Variants in NEK11 observed in about 807,000 individuals in gnomAD.
NEK11 encodes serine/threonine-protein kinase Nek11.
A neutral mutation model predicts 80.7 loss-of-function variants in NEK11; 72 were observed. The observed-to-expected ratio is 0.89, with a 90% CI of 0.74 to 1.08. NEK11 has a LOEUF of 1.08. Among genes scored for constraint, NEK11 ranks in the 50% least tolerant of loss-of-function variants. The pLI is 0.00. For synonymous variants in NEK11, 251 were observed against 260.7 expected (o/e 0.96, Z 0.36); for missense variants, 764 against 763.6 (o/e 1.00, Z -0.01).
intron 3 of NEK11, among the ~76,000 whole-genome samples, chr3:131,079,327 G>A (rs1354582896): frequency 6.6e-6 from 1 of 152,180 alleles, no homozygotes; most frequent in East Asian, 1.9e-4. Flanking sequence ...AGGAAGGACT[G>A]GAGAATGATG....
At chr3:131,183,378 C>G (rs2093451916) in intron 14 of NEK11, among the ~76,000 whole-genome samples, 2 of 152,160 alleles carry the variant, frequency 1.3e-5, no homozygotes, top group South Asian at 4.1e-4. Context: ...CACCTGTCAA[C>G]CCATCACCTG....
At chr3:131,175,287 C>T (rs932957746) in intron 14 of NEK11, 1 of 239,138 alleles carries the variant, frequency 4.2e-6, no homozygotes, top group Non-Finnish European at 6.8e-6. Context: ...TACAAGAAGA[C>T]CTGTTCACAA....
chr3:131,080,039 T>TGTG (rs2074999826), intron 3 of NEK11, among the ~76,000 whole-genome samples: 88 of 148,954 alleles, frequency 5.9e-4, no homozygotes, highest in Admixed American at 1.5e-3. Flanking sequence ...GTGTGTGTGT[T>TGTG]TGTGTGTGTG....
intron 7 of NEK11, among the ~76,000 whole-genome samples, chr3:131,146,630 T>C (rs1354953192): frequency 6.6e-6 from 1 of 152,200 alleles, no homozygotes; most frequent in African/African-American, 2.4e-5. Context: ...TTGATGATTA[T>C]ATATTTTTAG....
chr3:131,261,945 C>G (rs1266063065), intron 16 of NEK11, among the ~76,000 whole-genome samples: 1 of 151,552 alleles, frequency 6.6e-6, no homozygotes, highest in Admixed American at 6.6e-5. Context: ...TTACAAAAAT[C>G]AGAGTGGAAA....
At chr3:131,115,908 TTCTTTCTTTCTTTC>T (rs2080969081) in intron 5 of NEK11, among the ~76,000 whole-genome samples, 2 of 46,848 alleles carry the variant, frequency 4.3e-5, no homozygotes, top group Non-Finnish European at 8.7e-5. Flanking sequence ...AGTGTTTTCT[TTCTTTCTTTCTTTC>T]TTTCTTTCTT....
chr3:131,075,287 C>T (rs1378434222), intron 3 of NEK11, among the ~76,000 whole-genome samples: 1 of 152,122 alleles, frequency 6.6e-6, no homozygotes. Context: ...ATAATTTTGT[C>T]CTTTAATGTG....
Position 131,061,998 on chromosome 3 carries a change from C to T in NEK11, c.171-18425C>T, listed in dbSNP as rs370091038. Among the ~76,000 whole-genome samples the T allele has an allele frequency of 4.6e-5, 7 of 152,246 alleles. No individual in the cohort carries two copies. The East Asian group carries it at 5.8e-4, about 13-fold the overall frequency. ...AATCAAAAGATAACTGAGTTGATAA[C>T]GAATGAATTCAATGGGCACTAGTAA... On this transcript the variant is annotated intron_variant, in intron 3 of 17. Coordinates refer to ENST00000383366, the MANE Select transcript of NEK11 (RefSeq NM_024800.5).
At chr3:131,202,265 G>A (rs181569351) in intron 14 of NEK11, among the ~76,000 whole-genome samples, 6 of 152,194 alleles carry the variant, frequency 3.9e-5, no homozygotes, top group East Asian at 1.9e-4. Flanking sequence ...TGCAGCCCAC[G>A]GAAGGCAAGC....
At chr3:131,241,701 T>C (rs1350999408) in intron 15 of NEK11, among the ~76,000 whole-genome samples, 1 of 152,094 alleles carries the variant, frequency 6.6e-6, no homozygotes, top group East Asian at 1.9e-4. Flanking sequence ...TGTTTTTTTG[T>C]GTATTTTATG....
chr3:131,230,327 T>C (rs941785713), intron 15 of NEK11, among the ~76,000 whole-genome samples: 3 of 152,208 alleles, frequency 2.0e-5, no homozygotes, highest in African/African-American at 7.2e-5. Flanking sequence ...TGCATGTCTT[T>C]ATAACTTGCA....
intron 7 of NEK11, among the ~76,000 whole-genome samples, chr3:131,141,081 T>A (rs1175467302): frequency 6.6e-6 from 1 of 151,930 alleles, no homozygotes; most frequent in East Asian, 1.9e-4. Context: ...AATTAGGGCT[T>A]CTCCTCCTAC....
intron 17 of NEK11, among the ~76,000 whole-genome samples, chr3:131,297,980 G>C (rs1210424739): frequency 4.0e-5 from 6 of 151,642 alleles, no homozygotes; most frequent in African/African-American, 1.2e-4. Flanking sequence ...TTGTAGATAT[G>C]CGGCGTTATT....
chr3:131,212,586 C>T lies in NEK11; in HGVS notation c.1400-15942C>T, dbSNP rs568957080. Among the ~76,000 whole-genome samples, 9 of 152,346 alleles carry T rather than the reference C, an allele frequency of 5.9e-5. No individual in the cohort carries two copies. In the South Asian group the frequency reaches 1.9e-3, roughly 32 times the overall value. On this transcript the variant is annotated intron_variant, in intron 14 of 17. Transcript: ENST00000383366. ...TCGCGCTGGGAGCTGTAGACTGGAA[C>T]TGTTTCTATTAGGCCATCTTTGTTA...
chr3:131,032,712 T>G (rs2065050283), intron 3 of NEK11, among the ~76,000 whole-genome samples: 1 of 152,254 alleles, frequency 6.6e-6, no homozygotes, highest in African/African-American at 2.4e-5. Flanking sequence ...TTTGGTTTTC[T>G]TATCTTTAAA....
At chr3:131,043,042 T>C (rs949735224) in intron 3 of NEK11, among the ~76,000 whole-genome samples, 15 of 152,024 alleles carry the variant, frequency 9.9e-5, no homozygotes, top group Admixed American at 9.2e-4. Context: ...GAAGGAAAAC[T>C]AACAAACAGA....
chr3:131,254,096 T>C (rs2108335294), intron 16 of NEK11, among the ~76,000 whole-genome samples: 1 of 152,306 alleles, frequency 6.6e-6, no homozygotes, highest in Non-Finnish European at 1.5e-5. Context: ...TTTGGAGTTT[T>C]AAAGAAGTTG....
intron 4 of NEK11, among the ~76,000 whole-genome samples, chr3:131,100,563 C>T (rs2078220162): frequency 6.6e-6 from 1 of 151,332 alleles, no homozygotes; most frequent in Non-Finnish European, 1.5e-5. Flanking sequence ...CTGCAAGACT[C>T]TATCTCTAAA....
chr3:131,296,558 G>A (rs79346014), intron 17 of NEK11, among the ~76,000 whole-genome samples: 8,323 of 152,030 alleles, frequency 0.055, 742 homozygotes, highest in African/African-American at 0.19. Flanking sequence ...TACTTTTGAA[G>A]GATAATTTCT....
Sources: allele counts gnomAD v4.1 joint callset (sites outside exome capture counted in the v4.1 genomes callset), GRCh38; gene constraint gnomAD v4.1.1; transcripts MANE v1.5; gene names NCBI Gene and HGNC (gene_info 2026-07-23, HGNC 2026-07-21).